FBXL2: variants seen among roughly 807,000 people sequenced by gnomAD.
FBXL2 encodes the protein F-box and leucine rich repeat protein 2, also known as F-box/LRR-repeat protein 2.
In FBXL2, 38 loss-of-function variants were observed where a neutral mutation model predicts 69.2. That is an observed-to-expected ratio of 0.55 (90% confidence interval 0.42 to 0.72). FBXL2 has a LOEUF of 0.72. Among genes scored for constraint, FBXL2 ranks in the 30% least tolerant of loss-of-function variants. The pLI is 0.00. For missense variants in FBXL2, 354 were observed against 520.3 expected, an observed-to-expected ratio of 0.68 and a Z score of 3.11; for synonymous variants, 192 against 201.3, an observed-to-expected ratio of 0.95 and a Z score of 0.39.
At chr3:33,377,721 C>T (rs1209798253) in intron 11 of FBXL2, among the ~76,000 whole-genome samples, 1 of 152,146 alleles carries the variant, frequency 6.6e-6, no homozygotes, top group Non-Finnish European at 1.5e-5. Context: ...CCTCCTGGGG[C>T]TGCTGATATA....
At chr3:33,330,187 G>A (rs1433710357) in intron 2 of FBXL2, among the ~76,000 whole-genome samples, 1 of 151,984 alleles carries the variant, frequency 6.6e-6, no homozygotes, top group Non-Finnish European at 1.5e-5. Flanking sequence ...GGAGGCTGAG[G>A]TGGAAGGATC....
In FBXL2 at chr3:33,375,433, C is replaced by T. The variant is rs202100099; in HGVS notation, c.788+15C>T. ...CCGCGACTGCAGTGAGTACACTGCA[C>T]TTTTTGCTTTGCAGCTCAGAGTTTG... On this transcript the variant is annotated intron_variant, in intron 10 of 14. Coordinates refer to ENST00000484457, the MANE Select transcript of FBXL2 (RefSeq NM_012157.5). 4.5e-5 allele frequency: 72 copies of T among 1,607,184 alleles called. 2 individuals are homozygous for T. In the African/African-American group the frequency reaches 6.9e-4, roughly 15 times the overall value.
At chr3:33,372,080 G>T (rs1290604111) in intron 5 of FBXL2, among the ~76,000 whole-genome samples, 1 of 152,142 alleles carries the variant, frequency 6.6e-6, no homozygotes, top group Non-Finnish European at 1.5e-5. Flanking sequence ...GATCAGTGTG[G>T]TACTGAATTC....
At chr3:33,293,432 A>C (rs1438933367) in intron 1 of FBXL2, among the ~76,000 whole-genome samples, 2 of 152,228 alleles carry the variant, frequency 1.3e-5, no homozygotes, top group African/African-American at 4.8e-5. Flanking sequence ...AGGTTTACAA[A>C]GGTGTAAGTG....
At chr3:33,418,259 A>G in the FBXL2 span, among the ~76,000 whole-genome samples, 2 of 152,044 alleles carry the variant, frequency 1.3e-5, no homozygotes, top group African/African-American at 2.4e-5. Flanking sequence ...ATTTTTATTT[A>G]TTTATTTATT....
intron 12 of FBXL2, among the ~76,000 whole-genome samples, chr3:33,401,657 G>A (rs1490910246): frequency 6.6e-6 from 1 of 152,154 alleles, no homozygotes; most frequent in African/African-American, 2.4e-5. Context: ...TTATTATCTT[G>A]ATTATTTATA....
At chr3:33,419,464 C>A in the FBXL2 span, among the ~76,000 whole-genome samples, 1 of 152,214 alleles carries the variant, frequency 6.6e-6, no homozygotes, top group East Asian at 1.9e-4. Context: ...CCCGTCTCTA[C>A]TAAAAATGCA....
At chr3:33,343,514 TAAC>T (rs1376825470) in intron 2 of FBXL2, among the ~76,000 whole-genome samples, 1 of 152,080 alleles carries the variant, frequency 6.6e-6, no homozygotes, top group Non-Finnish European at 1.5e-5. Flanking sequence ...ACCTTAATTA[TAAC>T]AACATAATGA....
intron 2 of FBXL2, among the ~76,000 whole-genome samples, chr3:33,327,295 A>G (rs2038773197): frequency 6.6e-6 from 1 of 152,138 alleles, no homozygotes; most frequent in Non-Finnish European, 1.5e-5. Context: ...AGAACATGAA[A>G]CTTGGAGTTT....
chr3:33,374,048 CTG>C lies in FBXL2; in HGVS notation c.657+131_657+132del. The C allele has an allele frequency of 3.8e-6, 3 of 785,424 alleles. No homozygotes were observed. In the South Asian group the frequency reaches 4.6e-5, roughly 12 times the overall value. The allele number at this position is 785,424 out of a possible 1,614,324, so 48.7% of individuals were successfully genotyped here. A position where few individuals can be genotyped will look rare whatever the true frequency, so the allele number is the denominator to read the frequency against. On this transcript the variant is annotated intron_variant, in intron 9 of 14. Transcript: ENST00000484457. Reference sequence around the variant, plus strand: ...GTGTTGCCACACCCTGATTTCCATCCTGTGTCCTTATATAACCTACCAATTTG... The same window carrying C: ...GTGTTGCCACACCCTGATTTCCATCCTGTCCTTATATAACCTACCAATTTG...
rs75536308 is a variant in FBXL2 at position 33,349,937 on chromosome 3, G to A, written c.66-9030G>A. ...AAACAGAAAGCACCAGACCCGGATG[G>A]TGGTTTTACTGGTGAATTCTACCAA... On this transcript the variant is annotated intron_variant, in intron 2 of 14. Coordinates refer to ENST00000484457, the MANE Select transcript of FBXL2 (RefSeq NM_012157.5). Among the ~76,000 whole-genome samples, 1,265 of 152,216 alleles carry A rather than the reference G, an allele frequency of 8.3e-3. 22 individuals are homozygous for A. The highest frequency in any genetic ancestry group is 0.029 in the African/African-American group (1,199 of 41,516).
intron 2 of FBXL2, among the ~76,000 whole-genome samples, chr3:33,338,486 A>C (rs948224686): frequency 1.3e-5 from 2 of 152,178 alleles, no homozygotes; most frequent in African/African-American, 2.4e-5. Flanking sequence ...CTAAGCAAAA[A>C]GAACAAAACT....
intron 14 of FBXL2, 77 bp downstream of exon 14, chr3:33,384,278 G>A (rs1460353881): frequency 1.8e-5 from 26 of 1,442,062 alleles, no homozygotes; most frequent in South Asian, 2.4e-5. Context: ...TCAGACCGGG[G>A]CTAGGCACGC....
the FBXL2 span, among the ~76,000 whole-genome samples, chr3:33,420,856 C>A: frequency 6.6e-6 from 1 of 152,194 alleles, no homozygotes; most frequent in Non-Finnish European, 1.5e-5. Context: ...CTCCCAACCT[C>A]AGATGATCCA....
chr3:33,402,861 C>A (rs1479615225), intron 12 of FBXL2: 3 of 1,610,100 alleles, frequency 1.9e-6, no homozygotes, highest in East Asian at 4.5e-5. Context: ...TGGGGAAGGG[C>A]TGTTATTCAC....
chr3:33,333,554 A>G (rs2039335805), intron 2 of FBXL2, among the ~76,000 whole-genome samples: 1 of 152,238 alleles, frequency 6.6e-6, no homozygotes, highest in Non-Finnish European at 1.5e-5. Flanking sequence ...TAGGGCAAGT[A>G]AAGAGCAGCA....
the FBXL2 span, among the ~76,000 whole-genome samples, chr3:33,409,931 TCTCAGACCCAGGGTA>T: frequency 6.6e-6 from 1 of 152,164 alleles, no homozygotes; most frequent in African/African-American, 2.4e-5. Flanking sequence ...TGTCTGCTCA[TCTCAGACCCAGGGTA>T]CTAAGCCCTG....
chr3:33,406,915 T>C (rs965711938), downstream of FBXL2, among the ~76,000 whole-genome samples: 3 of 152,132 alleles, frequency 2.0e-5, no homozygotes, highest in African/African-American at 4.8e-5. Context: ...TAACCAACAG[T>C]AGTGACTATT....
chr3:33,356,851 C>T (rs186471637), intron 2 of FBXL2, among the ~76,000 whole-genome samples: 1 of 152,248 alleles, frequency 6.6e-6, no homozygotes, highest in African/African-American at 2.4e-5. Context: ...CTCTAGAGCC[C>T]ACATAGCGGC....
Sources: gnomAD v4.1 joint callset for allele counts (sites outside exome capture counted in the v4.1 genomes callset) on GRCh38, gnomAD v4.1.1 for gene constraint, MANE v1.5 for transcripts, NCBI Gene and HGNC (gene_info 2026-07-23, HGNC 2026-07-21) for gene names.